PARM1: variants seen among roughly 807,000 people sequenced by gnomAD.
PARM1 encodes the protein prostate androgen-regulated mucin-like protein 1, also known as WSC4, cell wall integrity and stress response component 4 homolog.
A neutral mutation model predicts 24.6 loss-of-function variants in PARM1; 14 were observed. That is an observed-to-expected ratio of 0.57 (90% confidence interval 0.38 to 0.89). PARM1 has a LOEUF of 0.89. PARM1 is among the 40% of genes least tolerant of loss of function. The probability of loss-of-function intolerance (pLI) is 0.00; values close to 1 mark genes in which losing one functional copy is unlikely to be tolerated. For synonymous variants in PARM1, 179 were observed against 156.6 expected (o/e 1.14, Z -1.07); for missense variants, 362 against 380.4 (o/e 0.95, Z 0.40).
chr4:74,954,894 C>T (rs780400406), intron 1 of PARM1, among the ~76,000 whole-genome samples: 4 of 152,136 alleles, frequency 2.6e-5, no homozygotes, highest in Non-Finnish European at 5.9e-5. Flanking sequence ...TTGACAGAAC[C>T]TAGGCAATTA....
At chr4:74,997,494 A>G (rs1283568125) in intron 1 of PARM1, among the ~76,000 whole-genome samples, 1 of 152,238 alleles carries the variant, frequency 6.6e-6, no homozygotes, top group Non-Finnish European at 1.5e-5. Context: ...ATCTGAGCCC[A>G]AATCCCAGCT....
At chr4:74,952,609 G>A (rs558096713) in intron 1 of PARM1, among the ~76,000 whole-genome samples, 3 of 152,272 alleles carry the variant, frequency 2.0e-5, no homozygotes, top group Admixed American at 2.0e-4. Flanking sequence ...TGTATAAGGT[G>A]TAAGGAAGGG....
intron 2 of PARM1, among the ~76,000 whole-genome samples, chr4:75,028,562 A>T (rs190101829): frequency 6.6e-6 from 1 of 152,242 alleles, no homozygotes; most frequent in South Asian, 2.1e-4. Flanking sequence ...ACTCTTCTCA[A>T]AATAGATCAG....
chr4:75,018,108 T>C (rs1428802622), intron 2 of PARM1, among the ~76,000 whole-genome samples: 2 of 152,248 alleles, frequency 1.3e-5, no homozygotes, highest in Admixed American at 6.5e-5. Flanking sequence ...GAGCTTCTAC[T>C]ATGAGCCAGG....
chr4:74,955,116 A>C (rs1188161153), intron 1 of PARM1, among the ~76,000 whole-genome samples: 1 of 152,196 alleles, frequency 6.6e-6, no homozygotes, highest in Non-Finnish European at 1.5e-5. Context: ...AATGTATAAG[A>C]TATGCATAAG....
intron 1 of PARM1, among the ~76,000 whole-genome samples, chr4:74,985,942 T>C (rs1722347633): frequency 6.6e-6 from 1 of 152,228 alleles, no homozygotes; most frequent in East Asian, 1.9e-4. Flanking sequence ...CTAATTTTTA[T>C]ATTTTTAGTA....
chr4:74,964,058 G>A (rs1168454385), intron 1 of PARM1, among the ~76,000 whole-genome samples: 1 of 152,150 alleles, frequency 6.6e-6, no homozygotes, highest in Non-Finnish European at 1.5e-5. Flanking sequence ...AATGGTGCGT[G>A]GTGTCAGGGA....
chr4:75,024,431 C>T (rs1723146504), intron 2 of PARM1, among the ~76,000 whole-genome samples: 2 of 152,138 alleles, frequency 1.3e-5, no homozygotes, highest in African/African-American at 2.4e-5. Flanking sequence ...AACTATGACT[C>T]TCTGTTCCCT....
chr4:75,033,066 A>G (rs182368309), intron 2 of PARM1, among the ~76,000 whole-genome samples: 3 of 152,358 alleles, frequency 2.0e-5, no homozygotes, highest in Non-Finnish European at 4.4e-5. Flanking sequence ...TTACAAGGGT[A>G]CATGCTCAAA....
intron 1 of PARM1, among the ~76,000 whole-genome samples, chr4:75,005,536 A>G (rs1026336423): frequency 1.3e-5 from 2 of 152,120 alleles, no homozygotes; most frequent in African/African-American, 4.8e-5. Context: ...TCTACGCTAC[A>G]ATGCCTCTAC....
At chr4:75,018,445 G>C (rs1176275082) in intron 2 of PARM1, among the ~76,000 whole-genome samples, 2 of 152,196 alleles carry the variant, frequency 1.3e-5, no homozygotes, top group Non-Finnish European at 2.9e-5. Flanking sequence ...AGGGAGTTCA[G>C]ATTTGGAACC....
At chr4:75,040,291 A>C (rs79251283) in intron 3 of PARM1, among the ~76,000 whole-genome samples, 5,270 of 152,288 alleles carry the variant, frequency 0.035, 250 homozygotes, top group East Asian at 0.23. Flanking sequence ...CAATGTGTAG[A>C]CCTTTTCTGT....
chr4:74,936,027 G>T lies in PARM1; in HGVS notation c.43+2657G>T, dbSNP rs79258240. Among the ~76,000 whole-genome samples, 619 of 152,038 alleles carry T rather than the reference G, an allele frequency of 4.1e-3. 2 individuals are homozygous for T. Among genetic ancestry groups the T allele is most frequent in the Non-Finnish European group, 4.7e-3 (321 of 67,984 alleles). The stretch of plus-strand genomic sequence containing the variant: ...TTTTTATTTTTTGTAGATATGGGGG[G>T]TATTCCTATGCTGCCCAGGTTGGTC... On this transcript the variant is annotated intron_variant, in intron 1 of 3. Transcript: ENST00000307428.
In PARM1 at chr4:75,046,160, C is replaced by G. The variant is rs1465518733; in HGVS notation, c.849-3C>G. The G allele has an allele frequency of 6.2e-7, 1 of 1,606,140 alleles. No homozygotes were observed. On this transcript the variant is annotated splice_region_variant and splice_polypyrimidine_tract_variant and intron_variant, in intron 3 of 3. Transcript: ENST00000307428. ...TCACAACCCTCTTCTGTTTCTCCAC[C>G]AGGCATTCCTCCTATGGAAGACTTT...
At chr4:74,947,096 A>G (rs1439683935) in intron 1 of PARM1, among the ~76,000 whole-genome samples, 1 of 152,230 alleles carries the variant, frequency 6.6e-6, no homozygotes, top group Non-Finnish European at 1.5e-5. Context: ...GCTAATCATC[A>G]GTGGCTGCCA....
At chr4:74,936,251 C>T (rs1011862372) in intron 1 of PARM1, among the ~76,000 whole-genome samples, 4 of 152,100 alleles carry the variant, frequency 2.6e-5, no homozygotes, top group African/African-American at 9.7e-5. Flanking sequence ...ACTTCTTATG[C>T]CAGGATAAGG....
chr4:75,032,119 A>G (rs1317500689), intron 2 of PARM1, among the ~76,000 whole-genome samples: 2 of 152,154 alleles, frequency 1.3e-5, no homozygotes, highest in African/African-American at 4.8e-5. Flanking sequence ...TATTCTGGTA[A>G]TTATATTAAT....
At chr4:75,030,426 A>G (rs113608811) in intron 2 of PARM1, among the ~76,000 whole-genome samples, 9 of 152,260 alleles carry the variant, frequency 5.9e-5, no homozygotes, top group African/African-American at 2.2e-4. Flanking sequence ...TCATCTGCAA[A>G]TGGTAGCTAT....
At chr4:74,943,221 C>T (rs34129549) in intron 1 of PARM1, among the ~76,000 whole-genome samples, 9 of 152,176 alleles carry the variant, frequency 5.9e-5, no homozygotes, top group Admixed American at 1.3e-4. Flanking sequence ...TAAAGCATAT[C>T]TTCCTCCATC....
Sources: gnomAD v4.1 joint callset for allele counts (sites outside exome capture counted in the v4.1 genomes callset) on GRCh38, gnomAD v4.1.1 for gene constraint, MANE v1.5 for transcripts, NCBI Gene and HGNC (gene_info 2026-07-23, HGNC 2026-07-21) for gene names.